The following ADAMTS10 variants were observed in gnomAD, a reference collection of about 807,000 sequenced individuals.
The protein encoded by ADAMTS10 is A disintegrin and metalloproteinase with thrombospondin motifs 10.
Under a neutral mutation model 135.9 loss-of-function variants are expected in ADAMTS10, and 48 were observed. That is an observed-to-expected ratio of 0.35 (90% CI 0.28 to 0.45). The LOEUF is 0.45. Among genes scored for constraint, ADAMTS10 ranks in the 20% least tolerant of loss-of-function variants. The probability of loss-of-function intolerance (pLI) is 1.00; values close to 1 mark genes in which losing one functional copy is unlikely to be tolerated. For synonymous variants in ADAMTS10, 621 were observed against 647.5 expected (o/e 0.96, Z 0.62); for missense variants, 1,131 against 1,565.2 (o/e 0.72, Z 4.68).
intron 1 of ADAMTS10, among the ~76,000 whole-genome samples, chr19:8,609,488 C>T (rs967546826): frequency 7.9e-5 from 12 of 152,126 alleles, no homozygotes; most frequent in African/African-American, 2.4e-4. Context: ...GACGGAAGGT[C>T]CCCCGTGGAG....
chr19:8,592,918 T>TGGGGGG, intron 12 of ADAMTS10, 48 bp from the exon 13 acceptor site: 2 of 1,555,552 alleles, frequency 1.3e-6, no homozygotes, highest in Non-Finnish European at 1.7e-6. Context: ...CCTTCCTCCC[T>TGGGGGG]GGGGCAGCCC....
At chr19:8,600,886 A>G in intron 6 of ADAMTS10, 42 bp downstream of exon 6, 1 of 1,611,730 alleles carries the variant, frequency 6.2e-7, no homozygotes, top group Non-Finnish European at 8.5e-7. Context: ...GGCTGGCTCC[A>G]AGTCCTCAGG....
Position 8,580,828 on chromosome 19 carries a change from G to T in ADAMTS10, c.*65C>A. The T allele has an allele frequency of 7.2e-7, 1 of 1,387,762 alleles. No homozygotes were observed. The highest frequency in any genetic ancestry group is 9.9e-7 in the Non-Finnish European group (1 of 1,007,508). 86.0% of individuals were successfully genotyped at this position (1,387,762 alleles called of 1,614,324 possible). ...TCCCGCCCCCCCGGGGCCCCCTCTG[G>T]CCGGCCCGCTGCAGGGCTGGCGGCG... On this transcript the variant is annotated 3_prime_UTR_variant, in exon 26 of 26. Coordinates refer to ENST00000597188, the MANE Select transcript of ADAMTS10 (RefSeq NM_030957.4).
intron 15 of ADAMTS10, among the ~76,000 whole-genome samples, chr19:8,591,436 G>GTTTT (rs1374318007): frequency 7.3e-6 from 1 of 136,742 alleles, no homozygotes; most frequent in Non-Finnish European, 1.6e-5. Context: ...CTCTGATAGC[G>GTTTT]TTTTTGTTTT....
In ADAMTS10 at chr19:8,592,820, G is replaced by C. The variant is rs886054715; in HGVS notation, c.1530C>G (p.Thr510=). Residue 510 remains threonine, a synonymous_variant, in exon 13 of 26, where the codon ACC becomes ACG. Transcript: ENST00000597188. ...WCLSKSNRCI[T]NSIPAAEGTL... is the part of the protein sequence containing the mutation. ...TGCCCTCGGCGGCCGGGATGCTGTT[G>C]GTGATGCACCGGTTGCTCTTGCTCA... 8.1e-6 allele frequency: 13 copies of C among 1,613,002 alleles called. No individual in the cohort carries two copies. The highest frequency in any genetic ancestry group is 1.0e-5 in the Non-Finnish European group (12 of 1,179,894).
rs1477523539 is a variant in ADAMTS10, at chr19:8,597,024, C to T, written c.1003G>A (p.Gly335Ser). 4.3e-6 allele frequency: 7 copies of T among 1,614,080 alleles called. No individual in the cohort carries two copies. The highest frequency in any genetic ancestry group is 1.3e-5 in the African/African-American group (1 of 75,032). Reference sequence around the variant, plus strand: ...ACTGCTGTGTCATGGTTAGCCACACCGTTCTCTGGAATGGCATTGCCATGG... The same window carrying T: ...ACTGCTGTGTCATGGTTAGCCACACTGTTCTCTGGAATGGCATTGCCATGG... ...SGHGNAIPEN[G>S]VANHDTAVLI... The change falls in exon 8 of 26, where the codon GGT becomes AGT. Residue 335 changes from glycine to serine, a missense_variant. By Grantham distance (56) the Gly-to-Ser change is moderately conservative (BLOSUM62 0). Transcript: ENST00000597188.
intron 6 of ADAMTS10, 72 bp downstream of exon 6, chr19:8,600,855 AC>A: frequency 6.3e-7 from 1 of 1,577,674 alleles, no homozygotes; most frequent in Non-Finnish European, 8.7e-7. Flanking sequence ...GATGGTAGCC[AC>A]CCCCTTGCCT....
At chr19:8,584,356 C>T (rs1031365604) in intron 25 of ADAMTS10, among the ~76,000 whole-genome samples, 4 of 151,410 alleles carry the variant, frequency 2.6e-5, no homozygotes, top group South Asian at 2.1e-4. Context: ...GGGTAGAAGC[C>T]GGGGATGCTG....
intron 25 of ADAMTS10, among the ~76,000 whole-genome samples, chr19:8,583,025 C>G (rs2042375185): frequency 6.6e-6 from 1 of 152,090 alleles, no homozygotes; most frequent in Non-Finnish European, 1.5e-5. Context: ...CTCAGGCAAT[C>G]TTTCCAGTTC....
chr19:8,603,673 C>A (rs1600119051), intron 5 of ADAMTS10, 55 bp downstream of exon 5: 1 of 1,610,484 alleles, frequency 6.2e-7, no homozygotes, highest in East Asian at 2.2e-5. Context: ...ACACTGCTGC[C>A]TCAAGGGAAA....
intron 7 of ADAMTS10, 41 bp downstream of exon 7, chr19:8,597,193 T>C: frequency 6.2e-7 from 1 of 1,613,882 alleles, no homozygotes; most frequent in Non-Finnish European, 8.5e-7. Flanking sequence ...CAGGACATGC[T>C]GGTATGAAGG....
Position 8,605,370 on chromosome 19 carries a change from G to A in ADAMTS10, c.89-12C>T. Reference sequence around the variant, plus strand: ...GGACAGGAACTCATCTGTGGGTGAGGGTCAGAGGCCTGGGGTGGGCCCTGG... The same window carrying A: ...GGACAGGAACTCATCTGTGGGTGAGAGTCAGAGGCCTGGGGTGGGCCCTGG... On this transcript the variant is annotated splice_polypyrimidine_tract_variant and intron_variant, in intron 3 of 25. Transcript: ENST00000597188. This position sits in a 1 kb window ranked among gnomAD's most constrained non-coding sequence, Gnocchi z 7.7. 2 of 1,585,186 alleles carry A rather than the reference G, an allele frequency of 1.3e-6. No individual in the cohort carries two copies. Among genetic ancestry groups the A allele is most frequent in the Non-Finnish European group, 1.7e-6 (2 of 1,165,678 alleles).
At position 8,589,893 on chromosome 19, in the gene ADAMTS10, C is replaced by T. The variant is rs782420021; in HGVS notation, c.1896G>A (p.Arg632=). 5.0e-6 allele frequency: 8 copies of T among 1,613,796 alleles called. No homozygotes were observed. In the Admixed American group the frequency reaches 1.2e-4, roughly 24 times the overall value. Reference sequence around the variant, plus strand: ...CCTTTGGAGTCCCACACTCACCTCCCCGGTACGTTTTCCACTTGTAGAATT... The same window carrying T: ...CCTTTGGAGTCCCACACTCACCTCCTCGGTACGTTTTCCACTTGTAGAATT... ...RGKFYKWKTY[R]GGGVKACSLT... The change falls in exon 16 of 26, where the codon CGG becomes CGA. Residue 632 remains arginine (R), a synonymous_variant. Coordinates refer to ENST00000597188, the MANE Select transcript of ADAMTS10 (RefSeq NM_030957.4).
At chr19:8,607,696 C>T (rs1227985339) in intron 2 of ADAMTS10, among the ~76,000 whole-genome samples, 1 of 152,104 alleles carries the variant, frequency 6.6e-6, no homozygotes, top group East Asian at 1.9e-4. Context: ...GCCCACATTC[C>T]CCACTTCTGC....
At chr19:8,588,408 G>T (rs1303447933) in intron 18 of ADAMTS10, among the ~76,000 whole-genome samples, 1 of 151,904 alleles carries the variant, frequency 6.6e-6, no homozygotes, top group African/African-American at 2.4e-5. Context: ...CAGCGGCCAG[G>T]CTGCTTATTA....
In ADAMTS10 at chr19:8,585,652, A is replaced by G; in HGVS notation, c.2669T>C (p.Val890Ala). ...GCGGCTGCAGAGCGACCAGTTCCCT[A>G]CAACCCAGCTGTAAGAGATGAAGGG... ...NTEPCPPDWVVGNWSLCSRSC... is the reference protein window; with the variant it reads ...NTEPCPPDWVAGNWSLCSRSC... Residue 890 changes from valine (V) to alanine (A), a missense_variant, in exon 23 of 26, where the codon GTA becomes GCA. Physicochemically the swap from Val to Ala is moderately conservative, Grantham distance 64 (BLOSUM62 0). Around this residue, in one of 3 missense-constraint regions of ADAMTS10, gnomAD observed 745 missense variants for 1,056.3 expected, o/e 0.71. Transcript: ENST00000597188. 2 of 1,612,284 alleles carry G rather than the reference A, an allele frequency of 1.2e-6. No homozygotes were observed. Among genetic ancestry groups the G allele is most frequent in the South Asian group, 1.1e-5 (1 of 91,042 alleles).
At chr19:8,607,971 C>T (rs2042739541) in intron 2 of ADAMTS10, among the ~76,000 whole-genome samples, 163 bp downstream of exon 2, 1 of 151,850 alleles carries the variant, frequency 6.6e-6, no homozygotes, top group South Asian at 2.1e-4. Context: ...CCACCATGCC[C>T]AGCTAATTTT....
At position 8,601,212 on chromosome 19, in the gene ADAMTS10, T is replaced by C; in HGVS notation, c.593-67A>G. On this transcript the variant is annotated intron_variant, in intron 5 of 25. Transcript: ENST00000597188. This position sits in a 1 kb window ranked among gnomAD's most constrained non-coding sequence, Gnocchi z 4.6. ...GGGACGCAGAGCTGCCTGACAACTG[T>C]CTTGTCCAACCTCTGACTGGCTACC... 2 of 1,551,806 alleles carry C rather than the reference T, an allele frequency of 1.3e-6. No individual in the cohort carries two copies. The highest frequency in any genetic ancestry group is 1.8e-6 in the Non-Finnish European group (2 of 1,142,558).
chr19:8,596,150 C>T lies in ADAMTS10; in HGVS notation c.1260G>A (p.Met420Ile), dbSNP rs1555740099. ...GARGQDPAKL[M>I]AAHITMKTNP... is the part of the protein sequence containing the mutation. ...TGGTCTTCATGGTAATGTGGGCAGC[C>T]ATGAGCTTGGCTGGGTCCTGACCAC... Residue 420 changes from methionine (M) to isoleucine (I), a missense_variant, in exon 11 of 26, where the codon ATG becomes ATA. This residue lies in a region of ADAMTS10 where 745 missense variants were observed against 1,056.3 expected (regional missense o/e 0.71). Transcript: ENST00000597188. This position sits in a 1 kb window ranked among gnomAD's most constrained non-coding sequence, Gnocchi z 7.2. 1.2e-6 allele frequency: 2 copies of T among 1,614,220 alleles called. No homozygotes were observed.
Sources: allele counts gnomAD v4.1 joint callset (sites outside exome capture counted in the v4.1 genomes callset), GRCh38; gene constraint gnomAD v4.1.1; regional missense constraint gnomAD v4.1.1; non-coding constraint Gnocchi (gnomAD v3.1); transcripts MANE v1.5; gene names NCBI Gene and HGNC (gene_info 2026-07-23, HGNC 2026-07-21).